ST8SIA4: variants seen among roughly 807,000 people sequenced by gnomAD.
ST8SIA4 encodes ST8 alpha-N-acetyl-neuraminide alpha-2,8-sialyltransferase 4.
ST8SIA4 carries 15 observed loss-of-function variants against 33.9 expected under a neutral mutation model. The ratio of observed to expected loss-of-function variants is 0.44; its 90% CI spans 0.30 to 0.68. The LOEUF (loss-of-function observed/expected upper bound fraction) is 0.68. Ranked by LOEUF, ST8SIA4 falls within the 30% of genes least tolerant of loss-of-function variation. The pLI is 0.10. For synonymous variants in ST8SIA4, 171 were observed against 151.2 expected (o/e 1.13, Z -0.96); for missense variants, 321 against 428.0 (o/e 0.75, Z 2.21).
intron 4 of ST8SIA4, among the ~76,000 whole-genome samples, chr5:100,814,595 C>A (rs1356651372): frequency 6.6e-6 from 1 of 151,716 alleles, no homozygotes; most frequent in Non-Finnish European, 1.5e-5. Context: ...TGAAAAATAC[C>A]TTAAATCAGG....
At chr5:100,826,869 A>G (rs571452784) in intron 4 of ST8SIA4, among the ~76,000 whole-genome samples, 9 of 151,856 alleles carry the variant, frequency 5.9e-5, no homozygotes, top group Admixed American at 2.0e-4. Context: ...TATATATAAT[A>G]CATTAATACA....
At chr5:100,816,939 CTTTTTTTT>C (rs756462025) in intron 4 of ST8SIA4, among the ~76,000 whole-genome samples, 1 of 140,628 alleles carries the variant, frequency 7.1e-6, no homozygotes, top group African/African-American at 2.6e-5. Context: ...GGCTTTTTTT[CTTTTTTTT>C]TTTTTGAGAC....
intron 4 of ST8SIA4, among the ~76,000 whole-genome samples, chr5:100,817,221 C>T (rs2112399437): frequency 6.8e-6 from 1 of 146,938 alleles, no homozygotes; most frequent in South Asian, 2.1e-4. Flanking sequence ...CCTGCCTCTG[C>T]ATCCCAAAGT....
At chr5:100,887,177 T>G (rs1009554925) in intron 2 of ST8SIA4, among the ~76,000 whole-genome samples, 5 of 152,100 alleles carry the variant, frequency 3.3e-5, no homozygotes, top group Non-Finnish European at 7.4e-5. Context: ...ACTTTTTCTC[T>G]AAGATCAAGA....
chr5:100,881,513 T>A (rs1051568692), intron 3 of ST8SIA4, among the ~76,000 whole-genome samples: 2 of 152,190 alleles, frequency 1.3e-5, no homozygotes, highest in Non-Finnish European at 2.9e-5. Flanking sequence ...AGGAATTTTA[T>A]CTTTTAAAGT....
At chr5:100,871,527 T>C in intron 3 of ST8SIA4, among the ~76,000 whole-genome samples, 1 of 152,090 alleles carries the variant, frequency 6.6e-6, no homozygotes, top group East Asian at 1.9e-4. Flanking sequence ...GTGTAACATA[T>C]TATTCAGTGT....
chr5:100,875,637 T>C (rs1290485907), intron 3 of ST8SIA4, among the ~76,000 whole-genome samples: 2 of 152,196 alleles, frequency 1.3e-5, no homozygotes, highest in Non-Finnish European at 1.5e-5. Flanking sequence ...TGAATGTAGA[T>C]GTTCATTTCT....
intron 4 of ST8SIA4, among the ~76,000 whole-genome samples, chr5:100,839,334 A>G (rs1238742597): frequency 6.6e-6 from 1 of 152,014 alleles, no homozygotes; most frequent in Non-Finnish European, 1.5e-5. Context: ...TCAATTTGCC[A>G]GAAAAGATCT....
intron 3 of ST8SIA4, among the ~76,000 whole-genome samples, chr5:100,859,229 T>C (rs1486935955): frequency 6.6e-6 from 1 of 152,102 alleles, no homozygotes; most frequent in Non-Finnish European, 1.5e-5. Context: ...CAATTTTCAT[T>C]TTTCTTTATA....
chr5:100,843,850 A>T (rs17160328), intron 4 of ST8SIA4, among the ~76,000 whole-genome samples: 2 of 151,796 alleles, frequency 1.3e-5, no homozygotes, highest in Non-Finnish European at 2.9e-5. Context: ...AATCTCAACA[A>T]CTTATTTGCC....
intron 4 of ST8SIA4, among the ~76,000 whole-genome samples, chr5:100,816,833 T>G (rs1209148788): frequency 6.6e-6 from 1 of 152,130 alleles, no homozygotes; most frequent in Non-Finnish European, 1.5e-5. Context: ...GTAACTGAGA[T>G]TTGTGCTGCA....
chr5:100,839,578 T>G (rs1025272848), intron 4 of ST8SIA4, among the ~76,000 whole-genome samples: 1 of 151,892 alleles, frequency 6.6e-6, no homozygotes, highest in African/African-American at 2.4e-5. Context: ...CTATGAAAAA[T>G]AATCTTCTCT....
intron 2 of ST8SIA4, among the ~76,000 whole-genome samples, chr5:100,888,981 A>G (rs2112475876): frequency 6.6e-6 from 1 of 152,064 alleles, no homozygotes; most frequent in East Asian, 1.9e-4. Flanking sequence ...TGCTCTACAA[A>G]TGAAATCACA....
At chr5:100,831,943 A>G (rs1323969105) in intron 4 of ST8SIA4, among the ~76,000 whole-genome samples, 2 of 152,176 alleles carry the variant, frequency 1.3e-5, no homozygotes, top group African/African-American at 2.4e-5. Flanking sequence ...AAAATACTTG[A>G]GTATACTCCC....
chr5:100,851,684 G>T (rs1250755006), intron 4 of ST8SIA4, among the ~76,000 whole-genome samples: 1 of 151,876 alleles, frequency 6.6e-6, no homozygotes, highest in Non-Finnish European at 1.5e-5. Flanking sequence ...CTATCTATAG[G>T]TTTTTTGGAA....
chr5:100,889,762 T>A (rs1752618838), intron 2 of ST8SIA4, among the ~76,000 whole-genome samples: 1 of 151,938 alleles, frequency 6.6e-6, no homozygotes, highest in Non-Finnish European at 1.5e-5. Flanking sequence ...GAGAAACTAA[T>A]GCTTAATAAG....
In ST8SIA4 at chr5:100,821,387, G is replaced by A. The variant is rs532332467; in HGVS notation, c.798-9258C>T. Among the ~76,000 whole-genome samples the A allele has an allele frequency of 1.8e-4, 27 of 152,162 alleles. No homozygotes were observed. The South Asian group carries it at 5.6e-3, about 32-fold the overall frequency. ...TTACATTAACAAGGAGTCCAAGGAG[G>A]CACTTAGAGAATATACTTTCATACT... On this transcript the variant is annotated intron_variant, in intron 4 of 4. Transcript: ENST00000231461.
intron 4 of ST8SIA4, among the ~76,000 whole-genome samples, chr5:100,837,119 G>A (rs1475477585): frequency 6.6e-6 from 1 of 151,914 alleles, no homozygotes; most frequent in Non-Finnish European, 1.5e-5. Flanking sequence ...AGTGTCACAA[G>A]TGCTTTAGGG....
At chr5:100,836,041 G>A (rs549386722) in intron 4 of ST8SIA4, among the ~76,000 whole-genome samples, 2 of 152,118 alleles carry the variant, frequency 1.3e-5, no homozygotes, top group East Asian at 1.9e-4. Flanking sequence ...CTGCAGAAAG[G>A]GAAGAGTTGT....
Sources: allele counts gnomAD v4.1 joint callset (sites outside exome capture counted in the v4.1 genomes callset), GRCh38; gene constraint gnomAD v4.1.1; transcripts MANE v1.5; gene names NCBI Gene and HGNC (gene_info 2026-07-23, HGNC 2026-07-21).